Variants in SLCO6A1 observed in about 807,000 individuals in gnomAD.
SLCO6A1 encodes the protein cancer/testis antigen 48.
In SLCO6A1, 65 loss-of-function variants were observed where a neutral mutation model predicts 72.7. The observed-to-expected ratio is 0.89, with a 90% CI of 0.73 to 1.10. The LOEUF (loss-of-function observed/expected upper bound fraction) is 1.10. SLCO6A1 is among the 50% of genes least tolerant of loss of function. SLCO6A1 has a pLI of 0.00. For synonymous variants in SLCO6A1, 314 were observed against 298.2 expected, an observed-to-expected ratio of 1.05 and a Z score of -0.55; for missense variants, 874 against 872.6, an observed-to-expected ratio of 1.00 and a Z score of -0.02.
chr5:102,497,391 T>G (rs1279826049), intron 1 of SLCO6A1, among the ~76,000 whole-genome samples: 1 of 152,178 alleles, frequency 6.6e-6, no homozygotes. Context: ...AACTTTATTT[T>G]AAACTCCAGG....
At chr5:102,425,192 C>G (rs553493766) in intron 7 of SLCO6A1, among the ~76,000 whole-genome samples, 1 of 152,118 alleles carries the variant, frequency 6.6e-6, no homozygotes, top group Non-Finnish European at 1.5e-5. Context: ...AGGAAGCATT[C>G]CCTTTGAAAA....
intron 9 of SLCO6A1, among the ~76,000 whole-genome samples, chr5:102,403,304 C>T (rs894964715): frequency 3.3e-5 from 5 of 152,014 alleles, no homozygotes; most frequent in Non-Finnish European, 7.4e-5. Context: ...ACACAGTTAC[C>T]AGAGCATAGT....
chr5:102,420,962 G>A (rs972329331), intron 7 of SLCO6A1, among the ~76,000 whole-genome samples: 1 of 152,114 alleles, frequency 6.6e-6, no homozygotes, highest in Non-Finnish European at 1.5e-5. Context: ...TGTAGCCCAC[G>A]GAGGCCGAGC....
chr5:102,491,788 G>C (rs1050536029), intron 1 of SLCO6A1, among the ~76,000 whole-genome samples: 5 of 152,246 alleles, frequency 3.3e-5, no homozygotes, highest in African/African-American at 1.2e-4. Context: ...CCAGAAAGGG[G>C]CTCCCACGGA....
intron 12 of SLCO6A1, among the ~76,000 whole-genome samples, chr5:102,377,874 A>G (rs1580315683): frequency 6.9e-6 from 1 of 144,850 alleles, no homozygotes; most frequent in South Asian, 2.2e-4. Context: ...GGGTTTTGCC[A>G]TATTGCCCAG....
At chr5:102,467,087 G>T (rs1203111236) in intron 4 of SLCO6A1, among the ~76,000 whole-genome samples, 2 of 152,026 alleles carry the variant, frequency 1.3e-5, no homozygotes, top group African/African-American at 4.8e-5. Context: ...TGAAATCTTT[G>T]CCCATGCCTA....
At chr5:102,449,234 G>A (rs1296533472) in intron 6 of SLCO6A1, among the ~76,000 whole-genome samples, 2 of 152,078 alleles carry the variant, frequency 1.3e-5, no homozygotes, top group Admixed American at 1.3e-4. Context: ...CAGGTCTACC[G>A]TTAGCTTGAT....
intron 6 of SLCO6A1, among the ~76,000 whole-genome samples, chr5:102,450,695 C>A (rs1750368857): frequency 6.6e-6 from 1 of 152,174 alleles, no homozygotes; most frequent in Admixed American, 6.5e-5. Context: ...GGCAGAGGGC[C>A]TTTCACTAAT....
Position 102,459,684 on chromosome 5 carries a change from T to C in SLCO6A1, c.993A>G (p.Pro331=). ...GCATATTGTTTGGAAAGCATGACAA[T>C]GGTATTAATGTACACCATGCAACGA... ...AAVVAWCTLI[P]LSCFPNNMPG... is the part of the protein sequence containing the mutation. The change falls in exon 5 of 14, where the codon CCA becomes CCG. Residue 331 remains proline, a synonymous_variant. Transcript: ENST00000506729. 1 of 1,596,842 alleles carries C rather than the reference T, an allele frequency of 6.3e-7. No homozygotes were observed. The highest frequency in any genetic ancestry group is 2.3e-5 in the East Asian group (1 of 44,086).
chr5:102,470,394 G>A (rs957274213), intron 4 of SLCO6A1, among the ~76,000 whole-genome samples: 31 of 152,132 alleles, frequency 2.0e-4, no homozygotes, highest in Admixed American at 1.3e-3. Context: ...TTGGGAGGGT[G>A]TATGTCTCCA....
intron 9 of SLCO6A1, among the ~76,000 whole-genome samples, chr5:102,409,128 T>A (rs1747828824): frequency 6.6e-6 from 1 of 152,162 alleles, no homozygotes; most frequent in African/African-American, 2.4e-5. Context: ...ATAAGAAGAA[T>A]ACGTGTGGTT....
chr5:102,450,968 T>A (rs551974506), intron 6 of SLCO6A1, among the ~76,000 whole-genome samples: 22 of 152,150 alleles, frequency 1.4e-4, no homozygotes, highest in Non-Finnish European at 2.5e-4. Flanking sequence ...GGCTGTGAGT[T>A]GTCTCTGGAA....
intron 10 of SLCO6A1, among the ~76,000 whole-genome samples, chr5:102,398,341 C>T (rs1457543407): frequency 6.6e-6 from 1 of 152,002 alleles, no homozygotes; most frequent in African/African-American, 2.4e-5. Context: ...CCACACCTGG[C>T]TAATTTCTGT....
intron 7 of SLCO6A1, among the ~76,000 whole-genome samples, chr5:102,433,382 C>T (rs1487456746): frequency 1.3e-5 from 2 of 152,144 alleles, no homozygotes; most frequent in African/African-American, 2.4e-5. Flanking sequence ...GCTTTTTTAT[C>T]TTTGTGGGCT....
intron 12 of SLCO6A1, among the ~76,000 whole-genome samples, chr5:102,377,831 C>T (rs1420309685): frequency 6.6e-6 from 1 of 151,194 alleles, no homozygotes; most frequent in African/African-American, 2.4e-5. Flanking sequence ...GCCACCACAT[C>T]CAGCTAATTT....
At chr5:102,389,332 A>G (rs1056607463) in intron 11 of SLCO6A1, among the ~76,000 whole-genome samples, 1 of 152,056 alleles carries the variant, frequency 6.6e-6, no homozygotes, top group Non-Finnish European at 1.5e-5. Context: ...ATGACCTCAG[A>G]TCCAGAGGAC....
chr5:102,378,965 G>C (rs935964683), intron 12 of SLCO6A1, among the ~76,000 whole-genome samples: 1 of 152,014 alleles, frequency 6.6e-6, no homozygotes, highest in African/African-American at 2.4e-5. Flanking sequence ...GTTTTTAGTA[G>C]AGATGGGGTT....
intron 1 of SLCO6A1, among the ~76,000 whole-genome samples, chr5:102,494,846 A>G (rs556720496): frequency 6.6e-6 from 1 of 152,350 alleles, no homozygotes; most frequent in South Asian, 2.1e-4. Flanking sequence ...AGTTTCTAGC[A>G]GGTACACTTA....
At chr5:102,470,988 A>T (rs1432112436) in intron 4 of SLCO6A1, among the ~76,000 whole-genome samples, 1 of 152,024 alleles carries the variant, frequency 6.6e-6, no homozygotes, top group African/African-American at 2.4e-5. Flanking sequence ...AGGACCTCTG[A>T]TTAGCCAAGA....
Sources: allele counts gnomAD v4.1 joint callset (sites outside exome capture counted in the v4.1 genomes callset), GRCh38; gene constraint gnomAD v4.1.1; transcripts MANE v1.5; gene names NCBI Gene and HGNC (gene_info 2026-07-23, HGNC 2026-07-21).